Variants in EYS observed in about 807,000 individuals in gnomAD.
EYS encodes the protein protein eyes shut homolog.
Under a neutral mutation model 282.1 loss-of-function variants are expected in EYS, and 250 were observed. The observed-to-expected ratio is 0.89, with a 90% CI of 0.80 to 0.98. EYS has a LOEUF of 0.98. Ranked by LOEUF, EYS falls within the 50% of genes least tolerant of loss-of-function variation. The pLI is 0.00. For missense variants in EYS, 4,016 were observed against 3,709.0 expected, an observed-to-expected ratio of 1.08 and a Z score of -2.15; for synonymous variants, 1,355 against 1,282.9, an observed-to-expected ratio of 1.06 and a Z score of -1.20.
chr6:64,013,328 C>T (rs978795837), intron 33 of EYS, among the ~76,000 whole-genome samples: 4 of 152,122 alleles, frequency 2.6e-5, no homozygotes, highest in African/African-American at 4.8e-5. Context: ...CTCCTGGTAG[C>T]GCCTCTAAAT....
chr6:64,244,491 C>T (rs9342186), intron 30 of EYS, among the ~76,000 whole-genome samples: 48,249 of 151,898 alleles, frequency 0.32, 7,662 homozygotes, highest in East Asian at 0.51. Context: ...GATAAAGAAT[C>T]GTTTTTATTC....
At chr6:64,714,516 C>CTTTTCTT (rs1771311288) in intron 22 of EYS, among the ~76,000 whole-genome samples, 1 of 127,916 alleles carries the variant, frequency 7.8e-6, no homozygotes, top group African/African-American at 3.0e-5. Context: ...TTCTTTCTTT[C>CTTTTCTT]TTTTTTTTTT....
At chr6:64,801,839 G>A (rs1764239336) in intron 22 of EYS, among the ~76,000 whole-genome samples, 1 of 151,920 alleles carries the variant, frequency 6.6e-6, no homozygotes, top group Admixed American at 6.6e-5. Flanking sequence ...AGAAAGAAAT[G>A]TACCATACCC....
chr6:64,053,901 C>T (rs181279050), intron 33 of EYS, among the ~76,000 whole-genome samples: 18 of 152,186 alleles, frequency 1.2e-4, no homozygotes, highest in Non-Finnish European at 2.6e-4. Context: ...ATGTGGCAAA[C>T]CTACTGCAAA....
At chr6:64,450,735 A>T (rs1775299107) in intron 26 of EYS, among the ~76,000 whole-genome samples, 1 of 152,224 alleles carries the variant, frequency 6.6e-6, no homozygotes, top group African/African-American at 2.4e-5. Context: ...ATGGAAACTG[A>T]ACAACCTGCT....
chr6:64,618,551 G>A (rs1767346085), intron 23 of EYS, among the ~76,000 whole-genome samples: 1 of 152,044 alleles, frequency 6.6e-6, no homozygotes, highest in African/African-American at 2.4e-5. Context: ...TTTATACTTA[G>A]GAAGATATTC....
At chr6:64,207,147 C>A (rs891768865) in intron 31 of EYS, among the ~76,000 whole-genome samples, 2 of 151,960 alleles carry the variant, frequency 1.3e-5, no homozygotes, top group Non-Finnish European at 2.9e-5. Flanking sequence ...GACGATGGGG[C>A]CTTTAAGAGG....
intron 23 of EYS, among the ~76,000 whole-genome samples, chr6:64,619,432 C>G (rs936086117): frequency 8.6e-5 from 13 of 151,942 alleles, no homozygotes; most frequent in Non-Finnish European, 1.8e-4. Flanking sequence ...TGTACTCAAC[C>G]CCACTAAAAT....
chr6:64,951,661 C>G (rs1769515556), intron 14 of EYS, among the ~76,000 whole-genome samples: 1 of 151,316 alleles, frequency 6.6e-6, no homozygotes. Flanking sequence ...ATAAAAGAGA[C>G]AAAGAAAAAC....
intron 24 of EYS, among the ~76,000 whole-genome samples, chr6:64,594,731 C>A (rs1413068624): frequency 6.6e-6 from 1 of 150,916 alleles, no homozygotes; most frequent in Non-Finnish European, 1.5e-5. Flanking sequence ...AGGAGATATA[C>A]CTAATGCTAA....
intron 19 of EYS, among the ~76,000 whole-genome samples, chr6:64,870,346 G>T (rs951296160): frequency 6.6e-6 from 1 of 151,070 alleles, no homozygotes; most frequent in Non-Finnish European, 1.5e-5. Context: ...ACAACTTAGG[G>T]TGATCCTTGA....
chr6:63,917,361 A>T (rs1274834250), intron 35 of EYS, among the ~76,000 whole-genome samples: 1 of 152,234 alleles, frequency 6.6e-6, no homozygotes, highest in Non-Finnish European at 1.5e-5. Flanking sequence ...AGACCTTAAT[A>T]TTTATACTAA....
chr6:64,728,076 T>G (rs1354288891), intron 22 of EYS, among the ~76,000 whole-genome samples: 1 of 152,124 alleles, frequency 6.6e-6, no homozygotes, highest in Non-Finnish European at 1.5e-5. Context: ...TCAGTCTCAC[T>G]GCATTCCACC....
At chr6:64,421,605 G>A (rs1168510829) in intron 28 of EYS, among the ~76,000 whole-genome samples, 1 of 152,044 alleles carries the variant, frequency 6.6e-6, no homozygotes, top group Admixed American at 6.6e-5. Flanking sequence ...TTTGGCTCAT[G>A]AATCATTTAA....
chr6:65,057,876 C>A, intron 12 of EYS, 149 bp from the exon 13 acceptor site: 1 of 625,700 alleles, frequency 1.6e-6, no homozygotes, highest in African/African-American at 1.8e-5. Context: ...ATATTACTAT[C>A]AGAACCCATT....
At chr6:65,546,635 G>A (rs1768401127) in intron 2 of EYS, among the ~76,000 whole-genome samples, 1 of 151,696 alleles carries the variant, frequency 6.6e-6, no homozygotes, top group Admixed American at 6.6e-5. Flanking sequence ...AGACTGTCAA[G>A]ATCTTGGCTC....
At chr6:64,179,585 T>G (rs1335938450) in intron 31 of EYS, among the ~76,000 whole-genome samples, 1 of 152,100 alleles carries the variant, frequency 6.6e-6, no homozygotes, top group African/African-American at 2.4e-5. Context: ...AATGTTGAAT[T>G]AATGACTAAT....
intron 31 of EYS, among the ~76,000 whole-genome samples, chr6:64,189,089 C>T (rs1390767424): frequency 6.6e-6 from 1 of 152,138 alleles, no homozygotes; most frequent in Non-Finnish European, 1.5e-5. Context: ...TTCCCACTAT[C>T]AGAACCACAA....
intron 22 of EYS, among the ~76,000 whole-genome samples, chr6:64,747,101 A>T (rs1003725657): frequency 6.6e-6 from 1 of 152,178 alleles, no homozygotes; most frequent in Admixed American, 6.5e-5. Flanking sequence ...AGAGTAACAT[A>T]CTTTTAAGTT....
Sources: gnomAD v4.1 joint callset for allele counts (sites outside exome capture counted in the v4.1 genomes callset) on GRCh38, gnomAD v4.1.1 for gene constraint, MANE v1.5 for transcripts, NCBI Gene and HGNC (gene_info 2026-07-23, HGNC 2026-07-21) for gene names.